Variants in SLC12A8 observed in about 807,000 individuals in gnomAD.
The protein encoded by SLC12A8 is cation-chloride cotransporter 9.
SLC12A8 carries 69 observed loss-of-function variants against 75.6 expected under a neutral mutation model. The observed-to-expected ratio is 0.91, with a 90% CI of 0.75 to 1.11. SLC12A8 has a LOEUF of 1.11. Among genes scored for constraint, SLC12A8 ranks in the 50% most tolerant of loss-of-function variants. The probability of loss-of-function intolerance (pLI) is 0.00; values close to 1 mark genes in which losing one functional copy is unlikely to be tolerated. For synonymous variants in SLC12A8, 365 were observed against 372.8 expected (o/e 0.98, Z 0.24); for missense variants, 877 against 896.7 (o/e 0.98, Z 0.28).
At position 125,135,710 on chromosome 3, in the gene SLC12A8, G is replaced by C; in HGVS notation, c.695C>G (p.Ser232Cys). ...GAAAACCCCAAAGACAGTGAAAAAA[G>C]ATTCCCCCGGGCTGTAATCGGGCAG... is the stretch of plus-strand genomic sequence containing the variant. ...NTLPDYSPGE[S>C]FFTVFGVFFP... Residue 232 changes from serine to cysteine, a missense_variant, in exon 6 of 14, where the codon TCT becomes TGT. Coordinates refer to ENST00000469902, the MANE Select transcript of SLC12A8 (RefSeq NM_024628.6). 6.2e-7 allele frequency: 1 copy of C among 1,609,756 alleles called. No individual in the cohort carries two copies. The highest frequency in any genetic ancestry group is 8.5e-7 in the Non-Finnish European group (1 of 1,177,300).
At chr3:125,094,444 A>G (rs540160746) in intron 10 of SLC12A8, among the ~76,000 whole-genome samples, 139 of 151,870 alleles carry the variant, frequency 9.2e-4, no homozygotes, top group African/African-American at 3.2e-3. Flanking sequence ...TCATCACCCA[A>G]TTAGCCAATT....
intron 6 of SLC12A8, among the ~76,000 whole-genome samples, chr3:125,129,267 G>T (rs1933295034): frequency 6.6e-6 from 1 of 152,200 alleles, no homozygotes. Flanking sequence ...TGGATCCCTG[G>T]AGTGGCTGCA....
At chr3:125,195,041 C>T (rs79274519) in intron 2 of SLC12A8, among the ~76,000 whole-genome samples, 4,416 of 152,238 alleles carry the variant, frequency 0.029, 89 homozygotes, top group Non-Finnish European at 0.042. Flanking sequence ...ACATGCCTGC[C>T]TCAGGGGGGT....
intron 1 of SLC12A8, among the ~76,000 whole-genome samples, chr3:125,212,339 G>T (rs1478523171): frequency 6.6e-6 from 1 of 152,124 alleles, no homozygotes; most frequent in Non-Finnish European, 1.5e-5. Context: ...GGCTGCCCGC[G>T]CCGCACAGAG....
chr3:125,118,024 C>T (rs74512309), intron 8 of SLC12A8, among the ~76,000 whole-genome samples: 3,923 of 152,358 alleles, frequency 0.026, 174 homozygotes, highest in African/African-American at 0.087. Context: ...CCGCCCGCTC[C>T]CTCCACGTCT....
chr3:125,168,442 G>A (rs2107782365), intron 5 of SLC12A8, among the ~76,000 whole-genome samples: 1 of 152,330 alleles, frequency 6.6e-6, no homozygotes, highest in East Asian at 1.9e-4. Context: ...GGCGATATGA[G>A]AGCTATATTG....
At chr3:125,211,032 A>G (rs1313663578) in intron 2 of SLC12A8, among the ~76,000 whole-genome samples, 1 of 152,064 alleles carries the variant, frequency 6.6e-6, no homozygotes, top group South Asian at 2.1e-4. Flanking sequence ...TCTGTGGAAG[A>G]CCTCTCAGGA....
chr3:125,120,998 T>A (rs1005565526), intron 6 of SLC12A8: 1 of 653,466 alleles, frequency 1.5e-6, no homozygotes, highest in Admixed American at 2.8e-5. Flanking sequence ...CACACAGAGG[T>A]CCTGCGCTGC....
chr3:125,189,074 T>G (rs937477121), intron 3 of SLC12A8, among the ~76,000 whole-genome samples: 5 of 152,238 alleles, frequency 3.3e-5, no homozygotes, highest in Admixed American at 2.6e-4. Context: ...GCTGTAAAGG[T>G]GATTTTCAGA....
At chr3:125,181,173 A>G (rs1934649182) in intron 4 of SLC12A8, among the ~76,000 whole-genome samples, 1 of 152,260 alleles carries the variant, frequency 6.6e-6, no homozygotes, top group African/African-American at 2.4e-5. Flanking sequence ...CAAAGTCAAA[A>G]GAAATGAAAA....
intron 5 of SLC12A8, among the ~76,000 whole-genome samples, chr3:125,170,396 T>A (rs2107783584): frequency 6.6e-6 from 1 of 152,378 alleles, no homozygotes; most frequent in East Asian, 1.9e-4. Context: ...ATCAGTAAGC[T>A]AATCTTTAAA....
At chr3:125,169,346 T>C (rs1934357761) in intron 5 of SLC12A8, among the ~76,000 whole-genome samples, 1 of 152,142 alleles carries the variant, frequency 6.6e-6, no homozygotes, top group African/African-American at 2.4e-5. Flanking sequence ...ATGCTTGTTT[T>C]TGGAAGGATG....
At chr3:125,154,368 G>C (rs1321734082) in intron 5 of SLC12A8, among the ~76,000 whole-genome samples, 3 of 152,164 alleles carry the variant, frequency 2.0e-5, no homozygotes, top group African/African-American at 7.2e-5. Flanking sequence ...CAGAAGCCAG[G>C]GCTCAAATTC....
chr3:125,169,015 C>T (rs902545310), intron 5 of SLC12A8, among the ~76,000 whole-genome samples: 1 of 152,178 alleles, frequency 6.6e-6, no homozygotes, highest in Admixed American at 6.5e-5. Context: ...ACCAGGCTAC[C>T]GTCTTCCTAG....
chr3:125,190,664 T>C (rs1252139389), intron 2 of SLC12A8, 143 bp from the exon 3 acceptor site: 8 of 866,322 alleles, frequency 9.2e-6, no homozygotes, highest in Admixed American at 2.2e-5. Flanking sequence ...TGTGTGTGTA[T>C]ACACACATGC....
At chr3:125,144,946 C>G (rs1040086983) in intron 5 of SLC12A8, among the ~76,000 whole-genome samples, 1 of 152,180 alleles carries the variant, frequency 6.6e-6, no homozygotes, top group Non-Finnish European at 1.5e-5. Flanking sequence ...TGCTCAGACC[C>G]CTTCCCCACC....
chr3:125,111,803 T>C (rs1284846087), intron 8 of SLC12A8, among the ~76,000 whole-genome samples: 1 of 152,164 alleles, frequency 6.6e-6, no homozygotes, highest in Admixed American at 6.5e-5. Context: ...AAAAAAAAAT[T>C]TCTTTAAAAA....
In SLC12A8 at chr3:125,135,829, A is replaced by T; in HGVS notation, c.623-47T>A. The T allele has an allele frequency of 2.7e-6, 3 of 1,096,748 alleles. No individual in the cohort carries two copies. In the South Asian group the frequency reaches 4.3e-5, roughly 16 times the overall value. 67.9% of individuals were successfully genotyped at this position (1,096,748 alleles called of 1,614,324 possible). On this transcript the variant is annotated intron_variant, in intron 5 of 13. Coordinates refer to ENST00000469902, the MANE Select transcript of SLC12A8 (RefSeq NM_024628.6). ...CAACGTAAGCCCAGTGAGAAGACAC[A>T]GGACACATTTCCCTAGATTATGGTA...
chr3:125,169,178 C>T (rs1443306009), intron 5 of SLC12A8, among the ~76,000 whole-genome samples: 1 of 152,248 alleles, frequency 6.6e-6, no homozygotes, highest in Non-Finnish European at 1.5e-5. Context: ...TGGCATGACA[C>T]TCATCTTACA....
Sources: gnomAD v4.1 joint callset for allele counts (sites outside exome capture counted in the v4.1 genomes callset) on GRCh38, gnomAD v4.1.1 for gene constraint, MANE v1.5 for transcripts, NCBI Gene and HGNC (gene_info 2026-07-23, HGNC 2026-07-21) for gene names.